EXOC6B: variants seen among roughly 807,000 people sequenced by gnomAD.
EXOC6B encodes the protein SEC15 homolog B.
Under a neutral mutation model 113.5 loss-of-function variants are expected in EXOC6B, and 54 were observed. The ratio of observed to expected loss-of-function variants is 0.48; its 90% CI spans 0.38 to 0.60. EXOC6B has a LOEUF of 0.60. Among genes scored for constraint, EXOC6B ranks in the 20% least tolerant of loss-of-function variants. The probability of loss-of-function intolerance (pLI) is 0.00; values close to 1 mark genes in which losing one functional copy is unlikely to be tolerated. For synonymous variants in EXOC6B, 357 were observed against 339.0 expected (o/e 1.05, Z -0.58); for missense variants, 797 against 977.5 (o/e 0.82, Z 2.46).
At chr2:72,549,641 C>T (rs1477727656) in intron 8 of EXOC6B, among the ~76,000 whole-genome samples, 1 of 152,132 alleles carries the variant, frequency 6.6e-6, no homozygotes, top group Non-Finnish European at 1.5e-5. Flanking sequence ...CCGAAAGGTT[C>T]TGTTCACTAG....
At chr2:72,463,722 G>C (rs1402296661) in intron 18 of EXOC6B, 1 of 152,192 alleles carries the variant, frequency 6.6e-6, no homozygotes, top group Non-Finnish European at 1.5e-5. Flanking sequence ...CAGTTTCACA[G>C]TGTTTCAGAG....
chr2:72,620,708 A>C (rs2104180342), intron 6 of EXOC6B, among the ~76,000 whole-genome samples: 1 of 152,102 alleles, frequency 6.6e-6, no homozygotes, highest in African/African-American at 2.4e-5. Flanking sequence ...CTATCAACAA[A>C]ATAAACAGAA....
intron 18 of EXOC6B, among the ~76,000 whole-genome samples, chr2:72,455,743 C>T (rs1697189167): frequency 6.6e-6 from 1 of 152,000 alleles, no homozygotes; most frequent in South Asian, 2.1e-4. Flanking sequence ...TTAATACCTA[C>T]ATACAGGTAC....
rs1347677927 is a variant in EXOC6B, at chr2:72,433,961, A to T, written c.1980+31199T>A. Among the ~76,000 whole-genome samples the T allele has an allele frequency of 5.3e-5, 8 of 152,252 alleles. No homozygotes were observed. The South Asian group carries it at 1.0e-3, about 20-fold the overall frequency. On this transcript the variant is annotated intron_variant, in intron 18 of 21. Coordinates refer to ENST00000272427, the MANE Select transcript of EXOC6B (RefSeq NM_015189.3). The stretch of plus-strand genomic sequence containing the variant: ...CTATGCTGAATAGGAATGGTGAGAG[A>T]GGGCAACCTTGTCTTGTGCCGGTTT...
intron 6 of EXOC6B, among the ~76,000 whole-genome samples, chr2:72,638,778 G>A (rs188912358): frequency 1.3e-5 from 2 of 152,196 alleles, no homozygotes; most frequent in Non-Finnish European, 2.9e-5. Context: ...AGTGTCTGTA[G>A]TGGAGCATGG....
intron 18 of EXOC6B, among the ~76,000 whole-genome samples, chr2:72,385,990 T>C (rs749177569): frequency 2.0e-5 from 3 of 152,122 alleles, no homozygotes; most frequent in Non-Finnish European, 4.4e-5. Flanking sequence ...TACTGTATGA[T>C]CCAGCAATCC....
At chr2:72,537,932 T>C (rs1234129710) in intron 8 of EXOC6B, among the ~76,000 whole-genome samples, 1 of 151,768 alleles carries the variant, frequency 6.6e-6, no homozygotes, top group Non-Finnish European at 1.5e-5. Flanking sequence ...GACATTCTTT[T>C]ACGAAAATGT....
intron 6 of EXOC6B, among the ~76,000 whole-genome samples, chr2:72,589,492 T>G (rs1299314441): frequency 1.3e-5 from 2 of 151,830 alleles, no homozygotes; most frequent in African/African-American, 4.8e-5. Context: ...TAGTATGTAC[T>G]GAGTATTCAG....
In EXOC6B at chr2:72,613,961, A is replaced by T. The variant is rs368047280; in HGVS notation, c.670-38293T>A. ...TTCAAATTTCAGTGTATAAAAATAA[A>T]TTTTTTTTGCAACACAGCCATGTTC... On this transcript the variant is annotated intron_variant, in intron 6 of 21. Transcript: ENST00000272427. 3.5e-4 allele frequency among the ~76,000 whole-genome samples: 53 copies of T among 152,020 alleles called. 2 individuals are homozygous for T. Among genetic ancestry groups the T allele is most frequent in the Middle Eastern group, 3.4e-3 (1 of 294 alleles).
intron 20 of EXOC6B, among the ~76,000 whole-genome samples, chr2:72,323,889 T>C (rs1687985538): frequency 6.6e-6 from 1 of 151,992 alleles, no homozygotes; most frequent in East Asian, 1.9e-4. Flanking sequence ...ATGTAGGTGA[T>C]GGGTTGATGG....
chr2:72,286,844 C>T (rs907411828), intron 20 of EXOC6B, among the ~76,000 whole-genome samples: 6 of 151,890 alleles, frequency 4.0e-5, no homozygotes, highest in African/African-American at 1.5e-4. Flanking sequence ...AGATACCTAG[C>T]AAATCCAAAA....
At chr2:72,579,743 G>T (rs1204757538) in intron 6 of EXOC6B, among the ~76,000 whole-genome samples, 2 of 152,064 alleles carry the variant, frequency 1.3e-5, no homozygotes, top group African/African-American at 4.8e-5. Flanking sequence ...AAAGCTAAAG[G>T]CTCCTGACTT....
At chr2:72,396,352 C>T (rs904666733) in intron 18 of EXOC6B, among the ~76,000 whole-genome samples, 6 of 152,052 alleles carry the variant, frequency 3.9e-5, no homozygotes, top group Non-Finnish European at 5.9e-5. Flanking sequence ...AATTAAGGAA[C>T]TTGCTATCAA....
rs372678299 is a variant in EXOC6B at position 72,470,056 on chromosome 2, T to C, written c.1801-4717A>G. 2.9e-4 allele frequency among the ~76,000 whole-genome samples: 44 copies of C among 152,276 alleles called. No homozygotes were observed. The East Asian group carries it at 7.3e-3, about 25-fold the overall frequency. On this transcript the variant is annotated intron_variant, in intron 17 of 21. Coordinates refer to ENST00000272427, the MANE Select transcript of EXOC6B (RefSeq NM_015189.3). ...ATTTTGCTCAGAATTGTTTTGGCTA[T>C]TCGTGTTCTTTTTTTAGTTCCCTAT...
At chr2:72,287,245 C>T (rs1403943916) in intron 20 of EXOC6B, among the ~76,000 whole-genome samples, 5 of 151,328 alleles carry the variant, frequency 3.3e-5, no homozygotes, top group African/African-American at 4.9e-5. Flanking sequence ...CTGGCTAACA[C>T]GATGAAACCC....
chr2:72,799,243 A>T (rs1685151038), intron 1 of EXOC6B, among the ~76,000 whole-genome samples: 1 of 149,780 alleles, frequency 6.7e-6, no homozygotes, highest in Admixed American at 6.6e-5. Flanking sequence ...CTGTCTCAAA[A>T]AAAAAAAAAA....
intron 2 of EXOC6B, among the ~76,000 whole-genome samples, chr2:72,739,415 TG>T (rs1681164669): frequency 6.6e-6 from 1 of 152,126 alleles, no homozygotes; most frequent in Admixed American, 6.5e-5. Context: ...TTTTTCCTAT[TG>T]ATTTACCAAG....
chr2:72,625,097 T>C (rs1014717356), intron 6 of EXOC6B, among the ~76,000 whole-genome samples: 1 of 151,852 alleles, frequency 6.6e-6, no homozygotes, highest in Non-Finnish European at 1.5e-5. Flanking sequence ...GTTTTGTTTT[T>C]TGTTTGCAGA....
intron 20 of EXOC6B, among the ~76,000 whole-genome samples, chr2:72,195,169 G>A (rs1479593438): frequency 6.6e-6 from 1 of 152,140 alleles, no homozygotes; most frequent in African/African-American, 2.4e-5. Context: ...GAAAGATAGG[G>A]AGGCTTCAGA....
Sources: allele counts gnomAD v4.1 joint callset (sites outside exome capture counted in the v4.1 genomes callset), GRCh38; gene constraint gnomAD v4.1.1; transcripts MANE v1.5; gene names NCBI Gene and HGNC (gene_info 2026-07-23, HGNC 2026-07-21).